Variants in PDE7B observed in about 807,000 individuals in gnomAD.
PDE7B encodes phosphodiesterase 7B.
Under a neutral mutation model 56.2 loss-of-function variants are expected in PDE7B, and 29 were observed. The ratio of observed to expected loss-of-function variants is 0.52; its 90% CI spans 0.38 to 0.70. The LOEUF is 0.70. Among genes scored for constraint, PDE7B ranks in the 30% least tolerant of loss-of-function variants. PDE7B has a pLI of 0.00. For synonymous variants in PDE7B, 197 were observed against 196.9 expected (o/e 1.00, Z 0.00); for missense variants, 490 against 565.0 (o/e 0.87, Z 1.35).
intron 1 of PDE7B, among the ~76,000 whole-genome samples, chr6:135,945,723 G>A (rs1260573472): frequency 6.6e-6 from 1 of 152,092 alleles, no homozygotes; most frequent in African/African-American, 2.4e-5. Context: ...AAAAGAAAGA[G>A]GAAAATGAGT....
intron 1 of PDE7B, among the ~76,000 whole-genome samples, chr6:135,884,279 G>A (rs559627546): frequency 6.6e-6 from 1 of 152,234 alleles, no homozygotes; most frequent in South Asian, 2.1e-4. Flanking sequence ...CACTTAGTGT[G>A]TATTGACTTG....
intron 6 of PDE7B, among the ~76,000 whole-genome samples, chr6:136,151,469 G>A (rs180872688): frequency 1.2e-3 from 190 of 152,172 alleles, no homozygotes; most frequent in Non-Finnish European, 2.1e-3. Context: ...ACAACTTGGG[G>A]GTTAGGGGTG....
chr6:136,040,480 T>A (rs554493156), intron 2 of PDE7B, among the ~76,000 whole-genome samples: 34 of 152,308 alleles, frequency 2.2e-4, no homozygotes, highest in Middle Eastern at 3.4e-3. Flanking sequence ...GATGCTGCAT[T>A]TCCTCTGAGC....
In PDE7B at chr6:135,949,820, AT is replaced by A. The variant is rs948278472; in HGVS notation, c.82+2300del. Among the ~76,000 whole-genome samples the A allele has an allele frequency of 5.3e-5, 8 of 152,246 alleles. No individual in the cohort carries two copies. The South Asian group carries it at 1.5e-3, about 28-fold the overall frequency. On this transcript the variant is annotated intron_variant, in intron 2 of 12. Transcript: ENST00000308191. ...GGACACATAGGAATAACAAGTATAC[AT>A]TTTACCTTTAAGATAGACAGTAAAT...
At chr6:136,056,888 T>C (rs1269054968) in intron 2 of PDE7B, among the ~76,000 whole-genome samples, 2 of 152,172 alleles carry the variant, frequency 1.3e-5, no homozygotes, top group African/African-American at 4.8e-5. Flanking sequence ...GTTAATCTTA[T>C]GAAAAATTAA....
chr6:136,159,432 C>T (rs1311353096), intron 8 of PDE7B, among the ~76,000 whole-genome samples: 5 of 152,194 alleles, frequency 3.3e-5, no homozygotes, highest in African/African-American at 7.2e-5. Flanking sequence ...TTGGCATCCC[C>T]GCTCCCTTCT....
At chr6:136,073,080 G>T (rs1777075179) in intron 2 of PDE7B, among the ~76,000 whole-genome samples, 1 of 152,094 alleles carries the variant, frequency 6.6e-6, no homozygotes. Flanking sequence ...CTGCTCTCGG[G>T]GCTAAGGAGC....
In PDE7B at chr6:136,194,528, T is replaced by C. The variant is rs1382160194; in HGVS notation, c.*2688T>C. ...CATTTGTTGGTAAAAAGAAAAAGAA[T>C]GTGAAAATGTCTCTTTTTTTCTTGG... On this transcript the variant is annotated 3_prime_UTR_variant, in exon 13 of 13. Coordinates refer to ENST00000308191, the MANE Select transcript of PDE7B (RefSeq NM_018945.4). The C allele has an allele frequency of 6.6e-6, 1 of 152,196 alleles. No homozygotes were observed. The highest frequency in any genetic ancestry group is 2.4e-5 in the African/African-American group (1 of 41,462). The allele number at this position is 152,196 out of a possible 1,614,324, so 9.4% of individuals were successfully genotyped here. A position where few individuals can be genotyped will look rare whatever the true frequency, so the allele number is the denominator to read the frequency against.
At chr6:135,954,982 G>T (rs1401821870) in intron 2 of PDE7B, among the ~76,000 whole-genome samples, 1 of 152,102 alleles carries the variant, frequency 6.6e-6, no homozygotes, top group Non-Finnish European at 1.5e-5. Flanking sequence ...CAGAACTGAA[G>T]TTGTCAAGCC....
intron 2 of PDE7B, among the ~76,000 whole-genome samples, chr6:136,008,868 G>T (rs1775836865): frequency 6.6e-6 from 1 of 152,118 alleles, no homozygotes; most frequent in Non-Finnish European, 1.5e-5. Flanking sequence ...TTTGGCTTTT[G>T]TTGCCATTGC....
chr6:136,191,054 C>A (rs1225155864), intron 12 of PDE7B, among the ~76,000 whole-genome samples: 1 of 119,676 alleles, frequency 8.4e-6, no homozygotes, highest in African/African-American at 6.1e-5. Flanking sequence ...ATGTCTTTCT[C>A]CCTCTGCAAG....
chr6:135,947,811 A>G (rs1334998214), intron 2 of PDE7B, among the ~76,000 whole-genome samples: 7 of 152,126 alleles, frequency 4.6e-5, no homozygotes, highest in Non-Finnish European at 1.5e-5. Context: ...TCAGGCAGCT[A>G]TGATGAAAAG....
intron 2 of PDE7B, among the ~76,000 whole-genome samples, chr6:136,011,082 T>G (rs1775884673): frequency 6.6e-6 from 1 of 152,204 alleles, no homozygotes; most frequent in Non-Finnish European, 1.5e-5. Flanking sequence ...TTGTTTGTTT[T>G]ACTTTTTCAG....
At chr6:136,151,122 A>C (rs1251057899) in intron 5 of PDE7B, 38 bp from the exon 6 acceptor site, 1 of 1,048,718 alleles carries the variant, frequency 9.5e-7, no homozygotes, top group African/African-American at 1.6e-5. Context: ...TTTAGTGGTG[A>C]TCAAAATTAG....
intron 11 of PDE7B, 140 bp from the exon 12 acceptor site, chr6:136,186,896 A>C (rs543626915): frequency 1.5e-6 from 1 of 646,434 alleles, no homozygotes; most frequent in South Asian, 1.8e-5. Flanking sequence ...GTCGGTGCTG[A>C]AGGGTCCCTA....
chr6:136,168,738 G>A (rs1180847361), intron 8 of PDE7B, among the ~76,000 whole-genome samples: 1 of 152,120 alleles, frequency 6.6e-6, no homozygotes, highest in African/African-American at 2.4e-5. Context: ...TGAACAATGA[G>A]TTCTCCCCCA....
intron 2 of PDE7B, among the ~76,000 whole-genome samples, chr6:135,989,352 G>A (rs912645214): frequency 6.6e-6 from 1 of 152,148 alleles, no homozygotes; most frequent in Non-Finnish European, 1.5e-5. Context: ...GATGGCTCAC[G>A]CCTGTAATCC....
chr6:136,141,177 GGTT>G (rs1778318222), intron 3 of PDE7B, among the ~76,000 whole-genome samples: 1 of 152,060 alleles, frequency 6.6e-6, no homozygotes, highest in South Asian at 2.1e-4. Context: ...TAGCATGAAG[GGTT>G]GTTGAATTTT....
At chr6:135,958,194 T>G (rs924573828) in intron 2 of PDE7B, among the ~76,000 whole-genome samples, 5 of 152,138 alleles carry the variant, frequency 3.3e-5, no homozygotes, top group African/African-American at 1.2e-4. Context: ...ATCGCGCCAC[T>G]GCACTCCAGC....
Sources: allele counts gnomAD v4.1 joint callset (sites outside exome capture counted in the v4.1 genomes callset), GRCh38; gene constraint gnomAD v4.1.1; transcripts MANE v1.5; gene names NCBI Gene and HGNC (gene_info 2026-07-23, HGNC 2026-07-21).